Variants in HEMK2 observed in about 807,000 individuals in gnomAD.
HEMK2 encodes HemK methyltransferase 2, ETF1 glutamine and histone H4 lysine.
At chr21:28,746,698 A>G in the HEMK2 span, among the ~76,000 whole-genome samples, 50 of 151,684 alleles carry the variant, frequency 3.3e-4, no homozygotes, top group Non-Finnish European at 6.0e-4. Context: ...CTATATGATG[A>G]TCTATGGAGA....
chr21:28,658,318 A>G, the HEMK2 span, among the ~76,000 whole-genome samples: 3 of 152,104 alleles, frequency 2.0e-5, no homozygotes, highest in African/African-American at 4.8e-5. Context: ...AAAGGATATT[A>G]AAAATGCCCG....
chr21:28,864,865 AGATG>A, the HEMK2 span, among the ~76,000 whole-genome samples: 226 of 131,386 alleles, frequency 1.7e-3, 2 homozygotes, highest in African/African-American at 5.4e-3. Flanking sequence ...ATAGATAGAT[AGATG>A]GATGATAGGT....
At chr21:28,622,910 GGACATAGGCATGGGCAAAGACTTCAA>G in the HEMK2 span, among the ~76,000 whole-genome samples, 13 of 152,238 alleles carry the variant, frequency 8.5e-5, no homozygotes, top group African/African-American at 3.1e-4. Context: ...ATACCATTCA[GGACATAGGCATGGGCAAAGACTTCAA>G]GACTAAAACA....
the HEMK2 span, among the ~76,000 whole-genome samples, chr21:28,829,480 C>A: frequency 6.6e-6 from 1 of 152,154 alleles, no homozygotes; most frequent in African/African-American, 2.4e-5. Flanking sequence ...CCTCTGACAT[C>A]CTATGCCTTT....
the HEMK2 span, among the ~76,000 whole-genome samples, chr21:28,673,011 A>C: frequency 4.1e-5 from 6 of 147,078 alleles, no homozygotes; most frequent in Non-Finnish European, 8.8e-5. Context: ...AGAAAGAAAG[A>C]AAGAAAGAAA....
the HEMK2 span, among the ~76,000 whole-genome samples, chr21:28,747,631 T>A: frequency 1.3e-5 from 2 of 152,226 alleles, no homozygotes; most frequent in Admixed American, 1.3e-4. Flanking sequence ...CTGAAAATGT[T>A]AGGAGTCAAA....
chr21:28,868,788 A>G, the HEMK2 span, among the ~76,000 whole-genome samples: 1 of 152,178 alleles, frequency 6.6e-6, no homozygotes, highest in Non-Finnish European at 1.5e-5. Flanking sequence ...ATTAAAATAC[A>G]TTTTCCTGCT....
the HEMK2 span, among the ~76,000 whole-genome samples, chr21:28,686,342 C>G: frequency 1.1e-4 from 17 of 152,246 alleles, no homozygotes; most frequent in African/African-American, 3.9e-4. Flanking sequence ...TCAAGCGACT[C>G]TCCTGCCTCA....
the HEMK2 span, chr21:28,882,039 A>T: frequency 1.7e-6 from 1 of 601,232 alleles, no homozygotes; most frequent in Non-Finnish European, 2.7e-6. Flanking sequence ...CAAAGAATTT[A>T]CTTTGTACAT....
At chr21:28,660,187 A>G in the HEMK2 span, among the ~76,000 whole-genome samples, 1 of 151,940 alleles carries the variant, frequency 6.6e-6, no homozygotes, top group Non-Finnish European at 1.5e-5. Flanking sequence ...ATCAATTCTC[A>G]TAATTTATCA....
At chr21:28,728,834 A>G in the HEMK2 span, among the ~76,000 whole-genome samples, 2 of 152,072 alleles carry the variant, frequency 1.3e-5, no homozygotes, top group African/African-American at 4.8e-5. Context: ...TGAAGACAGT[A>G]CATTTTAATC....
At chr21:28,602,464 G>A in the HEMK2 span, among the ~76,000 whole-genome samples, 3 of 152,044 alleles carry the variant, frequency 2.0e-5, no homozygotes, top group Non-Finnish European at 4.4e-5. Context: ...ATTAATCCTG[G>A]AAGTGAACAA....
the HEMK2 span, among the ~76,000 whole-genome samples, chr21:28,741,879 G>C: frequency 3.9e-5 from 6 of 152,162 alleles, no homozygotes; most frequent in Non-Finnish European, 8.8e-5. Flanking sequence ...GCCTGTGTCT[G>C]TATAATAGAA....
the HEMK2 span, among the ~76,000 whole-genome samples, chr21:28,832,442 G>A: frequency 2.7e-4 from 41 of 152,198 alleles, no homozygotes; most frequent in Non-Finnish European, 5.7e-4. Flanking sequence ...AATAAGAGCC[G>A]GAAGCAAAAA....
chr21:28,673,679 A>G, the HEMK2 span, among the ~76,000 whole-genome samples: 1 of 124,774 alleles, frequency 8.0e-6, no homozygotes, highest in African/African-American at 3.6e-5. Context: ...TTCTCACTCC[A>G]AAAATAAACT....
chr21:28,737,602 A>G, the HEMK2 span, among the ~76,000 whole-genome samples: 1 of 152,024 alleles, frequency 6.6e-6, no homozygotes, highest in Non-Finnish European at 1.5e-5. Flanking sequence ...TAAAAAAAAA[A>G]AGAAGAAGAA....
At chr21:28,870,941 A>ATTCCCTCT in the HEMK2 span, among the ~76,000 whole-genome samples, 1 of 152,156 alleles carries the variant, frequency 6.6e-6, no homozygotes, top group African/African-American at 2.4e-5. Flanking sequence ...CCTGATTGTT[A>ATTCCCTCT]GTTTCAGAGT....
At chr21:28,805,897 T>C in the HEMK2 span, among the ~76,000 whole-genome samples, 3 of 152,156 alleles carry the variant, frequency 2.0e-5, no homozygotes, top group Non-Finnish European at 4.4e-5. Flanking sequence ...AAGCAAAACC[T>C]TGAAGGAAAG....
At chr21:28,811,107 C>T in the HEMK2 span, among the ~76,000 whole-genome samples, 1 of 152,004 alleles carries the variant, frequency 6.6e-6, no homozygotes, top group Admixed American at 6.6e-5. Context: ...ATAGGCCAGG[C>T]ACAATGGCTC....
Sources: gnomAD v4.1 joint callset for allele counts (sites outside exome capture counted in the v4.1 genomes callset) on GRCh38, gnomAD v4.1.1 for gene constraint, MANE v1.5 for transcripts, NCBI Gene and HGNC (gene_info 2026-07-23, HGNC 2026-07-21) for gene names.